Variants in ZNF257 observed in about 807,000 individuals in gnomAD.
The protein encoded by ZNF257 is zinc finger protein 257.
ZNF257 carries 12 observed loss-of-function variants against 11.9 expected under a neutral mutation model. The ratio of observed to expected loss-of-function variants is 1.01; its 90% confidence interval spans 0.65 to 1.63. The LOEUF is 1.63. Ranked by LOEUF, ZNF257 falls within the 40% of genes most tolerant of loss-of-function variation. The pLI is 0.00. For missense variants in ZNF257, 580 were observed against 665.5 expected (o/e 0.87, Z 1.41); for synonymous variants, 183 against 222.7 (o/e 0.82, Z 1.59).
At chr19:22,057,227 A>G (rs2021667107) in intron 1 of ZNF257, among the ~76,000 whole-genome samples, 1 of 152,078 alleles carries the variant, frequency 6.6e-6, no homozygotes. Context: ...TTTTCCTTAT[A>G]TGAGTACTAT....
At chr19:22,069,740 C>G (rs1364547169) in intron 1 of ZNF257, among the ~76,000 whole-genome samples, 1 of 133,298 alleles carries the variant, frequency 7.5e-6, no homozygotes, top group East Asian at 2.1e-4. Context: ...ACTTATTTAT[C>G]TTCTAATAAA....
intron 1 of ZNF257, among the ~76,000 whole-genome samples, chr19:22,069,141 A>G (rs983445045): frequency 6.6e-6 from 1 of 152,152 alleles, no homozygotes; most frequent in Non-Finnish European, 1.5e-5. Context: ...AAATGCTTCC[A>G]TCTCATATGG....
At position 22,088,158 on chromosome 19, in the gene ZNF257, T is replaced by A. The variant is rs754524624; in HGVS notation, c.408T>A (p.Cys136Ter). The change falls in exon 4 of 4, where the codon TGT (cysteine) becomes TGA (stop). Residue 136 changes from cysteine (C) to a stop codon, truncating the protein, a stop_gained. Coordinates refer to ENST00000594947, the MANE Select transcript of ZNF257 (RefSeq NM_033468.4). LOFTEE classifies it low-confidence loss of function (END_TRUNC). ...CKGGYNGLNQCLITTQSKMYQ... is the reference protein window; with the variant it reads ...CKGGYNGLNQ ...GAGGTTATAATGGACTTAACCAATG[T>A]CTGATAACTACCCAGAGCAAAATGT... 8 of 1,609,096 alleles carry A rather than the reference T, an allele frequency of 5.0e-6. No individual in the cohort carries two copies. In the Admixed American group the frequency reaches 1.3e-4, roughly 27 times the overall value.
intron 1 of ZNF257, among the ~76,000 whole-genome samples, chr19:22,059,433 C>A (rs927444678): frequency 4.6e-5 from 7 of 151,946 alleles, no homozygotes; most frequent in Admixed American, 1.3e-4. Flanking sequence ...GGATTACATG[C>A]GCCTGCCACC....
Position 22,088,981 on chromosome 19 carries a change from TG to T in ZNF257, c.1233del (p.Trp411CysfsTer13). On this transcript the variant is annotated frameshift_variant, in exon 4 of 4. Transcript: ENST00000594947. LOFTEE classifies it low-confidence loss of function (END_TRUNC). ...KCDEYCKAFN[W>X]SSALTTLTQH... ...TGATGAATATTGCAAAGCTTTTAAC[TG>T]GTCCTCAGCTCTTACTACCCTTACT... The T allele has an allele frequency of 6.2e-7, 1 of 1,610,012 alleles. No homozygotes were observed. The highest frequency in any genetic ancestry group is 8.5e-7 in the Non-Finnish European group (1 of 1,179,016).
At chr19:22,066,121 A>G (rs2021938022) in intron 1 of ZNF257, 1 of 152,894 alleles carries the variant, frequency 6.5e-6, no homozygotes, top group Admixed American at 6.5e-5. Context: ...AATCTTGCTC[A>G]TTTGAGAGCT....
Position 22,089,061 on chromosome 19 carries a change from C to A in ZNF257, c.1311C>A (p.Gly437=). ...AACCCTACAAATGTGAAGAGTGTGG[C>A]AAAGCCTTTAACCGGTCTTCATACC... ...GEKPYKCEEC[G]KAFNRSSYLI... is the part of the protein sequence containing the mutation. The change falls in exon 4 of 4, where the codon GGC becomes GGA. Residue 437 remains glycine, a synonymous_variant. Coordinates refer to ENST00000594947, the MANE Select transcript of ZNF257 (RefSeq NM_033468.4). 6.2e-7 allele frequency: 1 copy of A among 1,612,924 alleles called. No individual in the cohort carries two copies. Among genetic ancestry groups the A allele is most frequent in the Non-Finnish European group, 8.5e-7 (1 of 1,179,680 alleles).
At chr19:22,075,222 T>C in intron 3 of ZNF257, 1 of 172,520 alleles carries the variant, frequency 5.8e-6, no homozygotes, top group Non-Finnish European at 1.2e-5. Flanking sequence ...TGGATATCCT[T>C]CAAGACTTTG....
rs1452579926 is a variant in ZNF257 at position 22,059,586 on chromosome 19, A to C, written c.3+6951A>C. On this transcript the variant is annotated intron_variant, in intron 1 of 3. Transcript: ENST00000594947. ...ACTGTCTCTACATTAGTTTTCTAAG[A>C]ATACTGGTCTCTAGCTCCATCCACG... 7.3e-5 allele frequency among the ~76,000 whole-genome samples: 11 copies of C among 150,850 alleles called. No individual in the cohort carries two copies. The East Asian group carries it at 1.6e-3, about 21-fold the overall frequency.
rs1160624108 is a variant in ZNF257, at chr19:22,052,550, G to C, written c.-83G>C. The C allele has an allele frequency of 2.6e-6, 4 of 1,522,118 alleles. No homozygotes were observed. The highest frequency in any genetic ancestry group is 3.6e-6 in the Non-Finnish European group (4 of 1,105,610). 94.3% of individuals were successfully genotyped at this position (1,522,118 alleles called of 1,614,324 possible). A position where few individuals can be genotyped will look rare whatever the true frequency, so the allele number is the denominator to read the frequency against. On this transcript the variant is annotated 5_prime_UTR_variant, in exon 1 of 4. Coordinates refer to ENST00000594947, the MANE Select transcript of ZNF257 (RefSeq NM_033468.4). ...CCCTGGTCTGTGTCCTCTTCTCCTA[G>C]GGGCCCAGCCTCTGTGGCCCTGTGA...
chr19:22,071,872 A>C (rs539773636), intron 1 of ZNF257, among the ~76,000 whole-genome samples: 4 of 152,270 alleles, frequency 2.6e-5, no homozygotes, highest in African/African-American at 9.6e-5. Context: ...CATTAACTCT[A>C]TAGAGAGCAG....
In ZNF257 at chr19:22,088,431, AC is replaced by A; in HGVS notation, c.684del (p.Tyr229ThrfsTer21). On this transcript the variant is annotated frameshift_variant, in exon 4 of 4. Transcript: ENST00000594947. LOFTEE classifies it low-confidence loss of function (END_TRUNC). ...RHKMTHTGEKPYKCEECGKAF... is the reference protein window; with the variant it reads ...RHKMTHTGEKXYKCEECGKAF... ...ATAAGATGACTCATACTGGAGAGAA[AC>A]CCTACAAATGTGAAGAGTGTGGAAA... is the stretch of plus-strand genomic sequence containing the variant. The A allele has an allele frequency of 1.9e-6, 3 of 1,613,568 alleles. No homozygotes were observed. The highest frequency in any genetic ancestry group is 1.1e-5 in the South Asian group (1 of 91,062).
intron 3 of ZNF257, among the ~76,000 whole-genome samples, 158 bp downstream of exon 3, chr19:22,073,722 A>G (rs557631664): frequency 4.6e-5 from 7 of 152,120 alleles, no homozygotes; most frequent in Non-Finnish European, 1.0e-4. Context: ...TTGCTCTCAC[A>G]TAGGGACATT....
intron 2 of ZNF257, 63 bp downstream of exon 2, chr19:22,072,998 T>TC (rs1259707523): frequency 7.2e-7 from 1 of 1,381,176 alleles, no homozygotes; most frequent in Non-Finnish European, 9.4e-7. Flanking sequence ...TTATTTATTT[T>TC]TTTTTTTGTA....
intron 3 of ZNF257, among the ~76,000 whole-genome samples, chr19:22,078,853 T>C (rs1599670821): frequency 6.7e-6 from 1 of 149,374 alleles, no homozygotes; most frequent in African/African-American, 2.5e-5. Context: ...AGTGCAATGG[T>C]GCAATCTCTG....
chr19:22,074,608 C>T (rs78646027), intron 3 of ZNF257: 29,855 of 151,932 alleles, frequency 0.2, 3,489 homozygotes, highest in African/African-American at 0.32. Flanking sequence ...CTTGTCAGCC[C>T]CCCAAAGTGT....
Position 22,070,100 on chromosome 19 carries a change from A to G in ZNF257, c.4-2709A>G, listed in dbSNP as rs143226803. ...TGGTGCTCACAGTTTTCTGAAATCCAAAAGCAGATAAATGGGAATAATAAA... is the reference window on the plus strand; with the variant it reads ...TGGTGCTCACAGTTTTCTGAAATCCGAAAGCAGATAAATGGGAATAATAAA... On this transcript the variant is annotated intron_variant, in intron 1 of 3. Coordinates refer to ENST00000594947, the MANE Select transcript of ZNF257 (RefSeq NM_033468.4). 5.5e-3 allele frequency among the ~76,000 whole-genome samples: 834 copies of G among 152,272 alleles called. 6 individuals carry two copies. The highest frequency in any genetic ancestry group is 0.018 in the African/African-American group (766 of 41,528).
In ZNF257 at chr19:22,052,708, G is replaced by A. The variant is rs1971731360; in HGVS notation, c.3+73G>A. The A allele has an allele frequency of 1.0e-5, 16 of 1,571,862 alleles. No individual in the cohort carries two copies. In the South Asian group the frequency reaches 1.7e-4, roughly 16 times the overall value. Reference sequence around the variant, plus strand: ...GGAACCTGTGGGAAGTCGCTGTGGCGGGACTCAGGCCTCCTTGCAGTCAGC... The same window carrying A: ...GGAACCTGTGGGAAGTCGCTGTGGCAGGACTCAGGCCTCCTTGCAGTCAGC... On this transcript the variant is annotated intron_variant, in intron 1 of 3. Transcript: ENST00000594947.
At chr19:22,062,930 T>C (rs955256514) in intron 1 of ZNF257, among the ~76,000 whole-genome samples, 2 of 152,240 alleles carry the variant, frequency 1.3e-5, no homozygotes, top group African/African-American at 4.8e-5. Context: ...GTACTAGCTC[T>C]TTGTTCATCT....
Sources: gnomAD v4.1 joint callset for allele counts (sites outside exome capture counted in the v4.1 genomes callset) on GRCh38, gnomAD v4.1.1 for gene constraint, MANE v1.5 for transcripts, NCBI Gene and HGNC (gene_info 2026-07-23, HGNC 2026-07-21) for gene names.